The following RERE variants were observed in gnomAD, a reference collection of about 807,000 sequenced individuals.
RERE encodes arginine-glutamic acid dipeptide repeats protein.
RERE carries 40 observed loss-of-function variants against 146.1 expected under a neutral mutation model. The ratio of observed to expected loss-of-function variants is 0.27; its 90% CI spans 0.21 to 0.36. The LOEUF (loss-of-function observed/expected upper bound fraction) is 0.36. Ranked by LOEUF, RERE falls within the 10% of genes least tolerant of loss-of-function variation. The probability of loss-of-function intolerance (pLI) is 1.00; values close to 1 mark genes in which losing one functional copy is unlikely to be tolerated. For synonymous variants in RERE, 1,003 were observed against 866.0 expected, an observed-to-expected ratio of 1.16 and a Z score of -2.78; for missense variants, 1,933 against 2,138.7, an observed-to-expected ratio of 0.90 and a Z score of 1.90.
chr1:8,694,727 C>G (rs991276588), intron 1 of RERE, among the ~76,000 whole-genome samples: 1 of 151,466 alleles, frequency 6.6e-6, no homozygotes, highest in African/African-American at 2.4e-5. Flanking sequence ...CCTCTGCATT[C>G]ACGGCTGGGT....
At chr1:8,564,761 C>T (rs1339992439) in intron 4 of RERE, among the ~76,000 whole-genome samples, 1 of 151,514 alleles carries the variant, frequency 6.6e-6, no homozygotes, top group Non-Finnish European at 1.5e-5. Flanking sequence ...GGGAATCAAC[C>T]TCAGTGCCTA....
At chr1:8,594,016 C>T (rs1284310819) in intron 4 of RERE, among the ~76,000 whole-genome samples, 1 of 152,152 alleles carries the variant, frequency 6.6e-6, no homozygotes, top group African/African-American at 2.4e-5. Flanking sequence ...TAAACAACTA[C>T]GATTTGGGGT....
chr1:8,681,490 G>A (rs1473892864), intron 1 of RERE, among the ~76,000 whole-genome samples: 2 of 152,048 alleles, frequency 1.3e-5, no homozygotes, highest in Admixed American at 6.6e-5. Context: ...CATGGCAAAA[G>A]GCAAATATTT....
chr1:8,792,951 G>C (rs1641389400), intron 1 of RERE, among the ~76,000 whole-genome samples: 1 of 152,024 alleles, frequency 6.6e-6, no homozygotes, highest in Non-Finnish European at 1.5e-5. Flanking sequence ...GAGGTCAGGA[G>C]TTCGAGACCA....
chr1:8,492,448 T>C (rs1467634683), intron 10 of RERE, among the ~76,000 whole-genome samples: 2 of 152,212 alleles, frequency 1.3e-5, no homozygotes, highest in African/African-American at 4.8e-5. Flanking sequence ...AGGATTTTTT[T>C]CACAAAGCTT....
intron 8 of RERE, among the ~76,000 whole-genome samples, chr1:8,503,680 G>C (rs951513134): frequency 6.6e-6 from 1 of 152,144 alleles, no homozygotes; most frequent in East Asian, 1.9e-4. Context: ...ATGAAAATAA[G>C]AAGCTTAAAT....
At position 8,361,118 on chromosome 1, in the gene RERE, G is replaced by A. The variant is rs1298940549; in HGVS notation, c.2389C>T (p.His797Tyr). Reference protein sequence around the residue: ...QPQAPTAPVPHTHIQQAPALH... With the variant: ...QPQAPTAPVPYTHIQQAPALH... ...GCCGGTGCCTGTTGGATGTGGGTGT[G>A]GGGAACAGGCGCTGTGGGAGCCTGT... The change falls in exon 18 of 23, where the codon CAC becomes TAC. Residue 797 changes from histidine to tyrosine, a missense_variant. Coordinates refer to ENST00000400908, the MANE Select transcript of RERE (RefSeq NM_001042681.2). 1 of 1,443,216 alleles carries A rather than the reference G, an allele frequency of 6.9e-7. No homozygotes were observed. Among genetic ancestry groups the A allele is most frequent in the South Asian group, 1.5e-5 (1 of 68,350 alleles). 89.4% of individuals were successfully genotyped at this position (1,443,216 alleles called of 1,614,324 possible).
At chr1:8,404,148 G>T (rs556249740) in intron 12 of RERE, among the ~76,000 whole-genome samples, 157 of 152,186 alleles carry the variant, frequency 1.0e-3, no homozygotes, top group Non-Finnish European at 1.9e-3. Flanking sequence ...AAAAAATAGA[G>T]GCCGGGTGCG....
chr1:8,565,916 C>A (rs1203348188), intron 4 of RERE, among the ~76,000 whole-genome samples: 1 of 152,124 alleles, frequency 6.6e-6, no homozygotes, highest in African/African-American at 2.4e-5. Context: ...AGGGGAAAAA[C>A]TGAAATACTG....
rs539679357 is a variant in RERE at position 8,800,709 on chromosome 1, T to C, written c.-145+16451A>G. On this transcript the variant is annotated intron_variant, in intron 1 of 22. Transcript: ENST00000400908. ...GGCCAGAAGTGGTGGCTCAGACCTG[T>C]AATCCCAGCACTTTGGGAGGCCGAG... Among the ~76,000 whole-genome samples the C allele has an allele frequency of 5.9e-5, 9 of 152,270 alleles. No homozygotes were observed. The East Asian group carries it at 1.7e-3, about 29-fold the overall frequency.
At chr1:8,636,635 A>G (rs1161040423) in intron 2 of RERE, among the ~76,000 whole-genome samples, 1 of 152,188 alleles carries the variant, frequency 6.6e-6, no homozygotes, top group African/African-American at 2.4e-5. Context: ...CTCTCAGAAT[A>G]AAGACACTTC....
chr1:8,777,280 A>G (rs1569775997), intron 1 of RERE, among the ~76,000 whole-genome samples: 1 of 151,982 alleles, frequency 6.6e-6, no homozygotes, highest in East Asian at 1.9e-4. Context: ...TTGCCCTTCT[A>G]GAAAACACAT....
chr1:8,607,528 A>G (rs1253163488), intron 4 of RERE, among the ~76,000 whole-genome samples: 2 of 76,970 alleles, frequency 2.6e-5, no homozygotes, highest in Non-Finnish European at 5.1e-5. Context: ...GTTTTTATAT[A>G]TATTTCTTTT....
chr1:8,365,886 A>G lies in RERE; in HGVS notation c.1373T>C (p.Val458Ala), dbSNP rs1295492309. 1.2e-6 allele frequency: 2 copies of G among 1,614,166 alleles called. No individual in the cohort carries two copies. Residue 458 changes from valine (V) to alanine (A), a missense_variant, in exon 13 of 23, where the codon GTG becomes GCG. Around this residue, in one of 11 missense-constraint regions of RERE, gnomAD observed 260 missense variants for 378.4 expected, o/e 0.69. Coordinates refer to ENST00000400908, the MANE Select transcript of RERE (RefSeq NM_001042681.2). Reference protein sequence around the residue: ...RAHRRHRRQAVFRRIKTRTAS... With the variant: ...RAHRRHRRQAAFRRIKTRTAS... ...GGTGCGAGTCTTAATCCTCCTGAAC[A>G]CGGCCTGCCTGCGGTGCCTACGATG...
At chr1:8,622,475 C>T (rs1417897251) in intron 3 of RERE, among the ~76,000 whole-genome samples, 1 of 101,432 alleles carries the variant, frequency 9.9e-6, no homozygotes, top group Non-Finnish European at 1.8e-5. Flanking sequence ...GGTGTCAGTG[C>T]TGTATCTGTT....
At position 8,433,456 on chromosome 1, in the gene RERE, C is replaced by CA. The variant is rs201608565; in HGVS notation, c.1204-10650dup. ...AAATAAATCCTAGTTTCAGCACACA[C>CA]AAAAAAGACCTGTTTCCCAGGCTAG... On this transcript the variant is annotated intron_variant, in intron 11 of 22. Coordinates refer to ENST00000400908, the MANE Select transcript of RERE (RefSeq NM_001042681.2). 6.6e-3 allele frequency among the ~76,000 whole-genome samples: 1,008 copies of CA among 151,704 alleles called. 10 individuals are homozygous for CA. The highest frequency in any genetic ancestry group is 0.023 in the African/African-American group (957 of 41,380).
At chr1:8,541,112 G>T (rs1159621198) in intron 7 of RERE, 102 bp downstream of exon 7, 1 of 546,314 alleles carries the variant, frequency 1.8e-6, no homozygotes, top group Non-Finnish European at 3.2e-6. Context: ...TGTTACTAGT[G>T]TATGTCCAGA....
intron 12 of RERE, among the ~76,000 whole-genome samples, 175 bp from the exon 13 acceptor site, chr1:8,366,149 G>A (rs1641795890): frequency 6.6e-6 from 1 of 152,214 alleles, no homozygotes; most frequent in Admixed American, 6.5e-5. Context: ...AACAGCCACT[G>A]AGCTGCCCGT....
At chr1:8,506,032 C>T (rs1049656419) in intron 8 of RERE, among the ~76,000 whole-genome samples, 1 of 151,812 alleles carries the variant, frequency 6.6e-6, no homozygotes, top group South Asian at 2.1e-4. Flanking sequence ...GCATCTTTTC[C>T]TTAGGAACTA....
Sources: gnomAD v4.1 joint callset for allele counts (sites outside exome capture counted in the v4.1 genomes callset) on GRCh38, gnomAD v4.1.1 for gene constraint, gnomAD v4.1.1 regional missense constraint, MANE v1.5 for transcripts, NCBI Gene and HGNC (gene_info 2026-07-23, HGNC 2026-07-21) for gene names.